The following NRXN1 variants were observed in gnomAD, a reference collection of about 807,000 sequenced individuals.
The protein encoded by NRXN1 is neurexin 1, also known as neurexin-1.
A neutral mutation model predicts 150.9 loss-of-function variants in NRXN1; 39 were observed. That is an observed-to-expected ratio of 0.26 (90% CI 0.20 to 0.34). The LOEUF is 0.34. Among genes scored for constraint, NRXN1 ranks in the 10% least tolerant of loss-of-function variants. The pLI, the probability that NRXN1 is intolerant of heterozygous loss-of-function variation, is 1.00. For missense variants in NRXN1, 1,815 were observed against 1,949.9 expected (o/e 0.93, Z 1.30); for synonymous variants, 924 against 757.0 (o/e 1.22, Z -3.62).
At chr2:50,161,876 A>C (rs1271086893) in intron 18 of NRXN1, among the ~76,000 whole-genome samples, 1 of 152,138 alleles carries the variant, frequency 6.6e-6, no homozygotes, top group African/African-American at 2.4e-5. Context: ...AAAGGAAAGA[A>C]GGGAGGGGAT....
intron 5 of NRXN1, among the ~76,000 whole-genome samples, chr2:50,884,181 T>G (rs1679879982): frequency 6.6e-6 from 1 of 151,860 alleles, no homozygotes; most frequent in East Asian, 1.9e-4. Flanking sequence ...TTTTAAAAAT[T>G]TACAGGAAAA....
chr2:50,510,816 T>C (rs993528581), intron 12 of NRXN1, among the ~76,000 whole-genome samples: 10 of 152,146 alleles, frequency 6.6e-5, no homozygotes, highest in Non-Finnish European at 1.3e-4. Flanking sequence ...GCAAGTAGTG[T>C]AAGAGGTACA....
chr2:50,637,745 T>C (rs1683443671), intron 5 of NRXN1, among the ~76,000 whole-genome samples: 2 of 152,130 alleles, frequency 1.3e-5, no homozygotes, highest in South Asian at 4.1e-4. Context: ...GATCAGTCTT[T>C]GTGGCTGGAA....
At chr2:50,341,031 G>C (rs2077514054) in intron 17 of NRXN1, among the ~76,000 whole-genome samples, 1 of 152,182 alleles carries the variant, frequency 6.6e-6, no homozygotes, top group Non-Finnish European at 1.5e-5. Context: ...ATACAGGTGA[G>C]AGTGTAGATG....
intron 18 of NRXN1, among the ~76,000 whole-genome samples, chr2:50,151,989 G>A (rs2058724981): frequency 1.3e-5 from 2 of 151,732 alleles, no homozygotes; most frequent in Admixed American, 1.3e-4. Flanking sequence ...GCAGCATGCT[G>A]TAAATGTAAA....
At chr2:50,757,363 T>C (rs547646039) in intron 5 of NRXN1, among the ~76,000 whole-genome samples, 3 of 151,736 alleles carry the variant, frequency 2.0e-5, no homozygotes, top group Admixed American at 2.0e-4. Context: ...GAGAGCAAAT[T>C]GGTAATGATT....
Position 50,563,383 on chromosome 2 carries a change from A to T in NRXN1, c.1321-10358T>A, listed in dbSNP as rs1473892931. On this transcript the variant is annotated intron_variant, in intron 8 of 22. Transcript: ENST00000401669. ...AGGATAGATATACAACTATAGAGAT[A>T]GATTAAATCAGGAAGAAAACAACAA... Among the ~76,000 whole-genome samples, 3 of 152,344 alleles carry T rather than the reference A, an allele frequency of 2.0e-5. No homozygotes were observed. The East Asian group carries it at 5.8e-4, about 29-fold the overall frequency.
At chr2:50,174,130 C>G (rs1298737984) in intron 18 of NRXN1, among the ~76,000 whole-genome samples, 1 of 152,070 alleles carries the variant, frequency 6.6e-6, no homozygotes, top group African/African-American at 2.4e-5. Flanking sequence ...TTCATCACCT[C>G]AGAAAACCTG....
At chr2:50,244,471 TC>T (rs2066323125) in intron 17 of NRXN1, among the ~76,000 whole-genome samples, 2 of 151,906 alleles carry the variant, frequency 1.3e-5, no homozygotes, top group African/African-American at 4.8e-5. Context: ...TAAGTTATTC[TC>T]TTTTTTTTCT....
intron 8 of NRXN1, among the ~76,000 whole-genome samples, chr2:50,618,668 A>C (rs1679439172): frequency 6.6e-6 from 1 of 151,906 alleles, no homozygotes; most frequent in Non-Finnish European, 1.5e-5. Flanking sequence ...TCTTTGTCTG[A>C]AACATGCAGA....
chr2:50,989,783 G>T (rs1422886658), intron 2 of NRXN1, among the ~76,000 whole-genome samples: 1 of 151,964 alleles, frequency 6.6e-6, no homozygotes, highest in Admixed American at 6.6e-5. Flanking sequence ...TTGATTTCTG[G>T]TATGGATGTA....
chr2:50,488,418 A>C (rs1480659830), intron 15 of NRXN1, among the ~76,000 whole-genome samples: 1 of 152,202 alleles, frequency 6.6e-6, no homozygotes, highest in Non-Finnish European at 1.5e-5. Context: ...GGCCAAGTTT[A>C]CCAATGCTTG....
At chr2:50,076,650 TA>T (rs763167192) in intron 19 of NRXN1, among the ~76,000 whole-genome samples, 22 of 152,322 alleles carry the variant, frequency 1.4e-4, no homozygotes, top group Non-Finnish European at 1.5e-4. Context: ...TAACTTGCAT[TA>T]AGTTTGTAGC....
chr2:50,708,871 T>A (rs1252960574), intron 5 of NRXN1, among the ~76,000 whole-genome samples: 2 of 152,142 alleles, frequency 1.3e-5, no homozygotes, highest in African/African-American at 4.8e-5. Context: ...GAAGCCTGAA[T>A]CAAGACCACT....
intron 18 of NRXN1, among the ~76,000 whole-genome samples, chr2:50,193,933 T>C (rs1052615481): frequency 2.1e-4 from 32 of 152,164 alleles, no homozygotes; most frequent in African/African-American, 7.7e-4. Context: ...ACTATTACAC[T>C]ACTATTACTC....
chr2:50,641,061 G>C (rs1397837028), intron 5 of NRXN1, among the ~76,000 whole-genome samples: 4 of 152,076 alleles, frequency 2.6e-5, no homozygotes, highest in Admixed American at 6.6e-5. Context: ...TCTTTAACAA[G>C]TTGACACATT....
intron 18 of NRXN1, among the ~76,000 whole-genome samples, chr2:50,159,399 T>C (rs188372585): frequency 1.2e-3 from 175 of 145,804 alleles, no homozygotes; most frequent in African/African-American, 4.8e-3. Context: ...TTTACTGTTC[T>C]ATCATTGGAA....
chr2:50,245,635 C>T (rs534584051), intron 17 of NRXN1, among the ~76,000 whole-genome samples: 2 of 151,742 alleles, frequency 1.3e-5, no homozygotes, highest in Non-Finnish European at 2.9e-5. Context: ...GTTGTAGTTG[C>T]CTAGCAATGT....
At chr2:50,939,904 C>T (rs1389603173) in intron 2 of NRXN1, among the ~76,000 whole-genome samples, 1 of 152,104 alleles carries the variant, frequency 6.6e-6, no homozygotes, top group Non-Finnish European at 1.5e-5. Flanking sequence ...AACAGAACCA[C>T]CCACTGCATT....
Sources: gnomAD v4.1 joint callset for allele counts (sites outside exome capture counted in the v4.1 genomes callset) on GRCh38, gnomAD v4.1.1 for gene constraint, MANE v1.5 for transcripts, NCBI Gene and HGNC (gene_info 2026-07-23, HGNC 2026-07-21) for gene names.